MAP2: variants seen among roughly 807,000 people sequenced by gnomAD.
MAP2 encodes the protein microtubule associated protein 2, also known as microtubule-associated protein 2.
In MAP2, 14 loss-of-function variants were observed where a neutral mutation model predicts 137.6. The ratio of observed to expected loss-of-function variants is 0.10; its 90% CI spans 0.07 to 0.16. The LOEUF (loss-of-function observed/expected upper bound fraction) is 0.16, where lower values mean the gene tolerates loss of function less well. Among genes scored for constraint, MAP2 ranks in the 10% least tolerant of loss-of-function variants. The pLI, the probability that MAP2 is intolerant of heterozygous loss-of-function variation, is 1.00. For missense variants in MAP2, 2,088 were observed against 2,191.5 expected (o/e 0.95, Z 0.94); for synonymous variants, 786 against 782.3 (o/e 1.00, Z -0.08).
At chr2:209,541,621 A>C (rs1474030209) in intron 2 of MAP2, among the ~76,000 whole-genome samples, 3 of 152,138 alleles carry the variant, frequency 2.0e-5, no homozygotes, top group Non-Finnish European at 4.4e-5. Flanking sequence ...AGTTTATGTA[A>C]TATTCTAAAT....
In MAP2 at chr2:209,731,622, A is replaced by T. The variant is rs2075785868; in HGVS notation, c.*1225A>T. ...GAAACCGACTTAAGATTTTTTCTTT[A>T]TTTTTCTTTTTTTTTCCATTTGCTA... is the stretch of plus-strand genomic sequence containing the variant. On this transcript the variant is annotated 3_prime_UTR_variant, in exon 16 of 16. Coordinates refer to ENST00000682079, the MANE Select transcript of MAP2 (RefSeq NM_001375505.1). 6.6e-6 allele frequency: 1 copy of T among 152,202 alleles called. No homozygotes were observed. The highest frequency in any genetic ancestry group is 2.4e-5 in the African/African-American group (1 of 41,318). 9.4% of individuals were successfully genotyped at this position (152,202 alleles called of 1,614,324 possible).
At chr2:209,511,892 T>C (rs535446000) in intron 2 of MAP2, among the ~76,000 whole-genome samples, 2 of 152,198 alleles carry the variant, frequency 1.3e-5, no homozygotes, top group Admixed American at 1.3e-4. Flanking sequence ...GACTGAATCA[T>C]TAATATTTAT....
intron 2 of MAP2, among the ~76,000 whole-genome samples, chr2:209,571,776 G>A (rs2074432919): frequency 6.6e-6 from 1 of 151,982 alleles, no homozygotes; most frequent in African/African-American, 2.4e-5. Flanking sequence ...AGCTTAGGTG[G>A]TAATGTCATA....
intron 2 of MAP2, among the ~76,000 whole-genome samples, chr2:209,521,841 G>A (rs2063328844): frequency 6.6e-6 from 1 of 152,048 alleles, no homozygotes; most frequent in Admixed American, 6.6e-5. Context: ...AGGTACTAAA[G>A]CTCCTATGGT....
chr2:209,686,223 T>C (rs1350214948), intron 7 of MAP2, among the ~76,000 whole-genome samples: 1 of 152,202 alleles, frequency 6.6e-6, no homozygotes, highest in African/African-American at 2.4e-5. Context: ...TGCTATCCCA[T>C]GATATAAAAA....
chr2:209,465,175 G>A (rs1703814541), intron 1 of MAP2, among the ~76,000 whole-genome samples: 1 of 151,998 alleles, frequency 6.6e-6, no homozygotes, highest in African/African-American at 2.4e-5. Context: ...GATTTTTATG[G>A]TTAGGACTAA....
At chr2:209,692,521 G>A (rs964964751) in intron 7 of MAP2, 104 bp from the exon 8 acceptor site, 2 of 1,300,722 alleles carry the variant, frequency 1.5e-6, no homozygotes, top group African/African-American at 3.0e-5. Context: ...CATAATTTTT[G>A]TTTTTATTCT....
chr2:209,730,116 T>A (rs1401822117), intron 15 of MAP2, 66 bp from the exon 16 acceptor site: 1 of 1,346,404 alleles, frequency 7.4e-7, no homozygotes, highest in Admixed American at 1.8e-5. Flanking sequence ...CCCTGGGAGA[T>A]GGAGAAAGAG....
chr2:209,440,038 A>G (rs1262908032), intron 1 of MAP2, among the ~76,000 whole-genome samples: 2 of 151,536 alleles, frequency 1.3e-5, no homozygotes, highest in Non-Finnish European at 3.0e-5. Context: ...TTTTTATGGA[A>G]TAGTTCACTT....
chr2:209,509,677 C>T (rs1267045603), intron 2 of MAP2, among the ~76,000 whole-genome samples: 1 of 151,668 alleles, frequency 6.6e-6, no homozygotes, highest in Non-Finnish European at 1.5e-5. Context: ...TCAACTATAA[C>T]TAAGTTACTT....
chr2:209,671,745 A>T (rs1038595841), intron 5 of MAP2, among the ~76,000 whole-genome samples: 1 of 151,900 alleles, frequency 6.6e-6, no homozygotes, highest in Non-Finnish European at 1.5e-5. Context: ...AAAGAAATCA[A>T]CAAAAATATG....
At chr2:209,634,582 ACTCAGT>A (rs2093393473) in intron 4 of MAP2, among the ~76,000 whole-genome samples, 4 of 152,090 alleles carry the variant, frequency 2.6e-5, no homozygotes, top group African/African-American at 9.7e-5. Context: ...ATTGGTTTGA[ACTCAGT>A]CATTTGGACA....
chr2:209,664,051 A>G (rs142761857), intron 5 of MAP2, among the ~76,000 whole-genome samples: 158 of 152,350 alleles, frequency 1.0e-3, no homozygotes, highest in African/African-American at 3.7e-3. Context: ...ACCCCCAAGT[A>G]CCATGTTTAT....
intron 1 of MAP2, among the ~76,000 whole-genome samples, chr2:209,456,630 C>T (rs1262898427): frequency 3.9e-5 from 6 of 152,196 alleles, no homozygotes; most frequent in African/African-American, 1.4e-4. Context: ...TCTACTTTCT[C>T]TGTTCCATTT....
At chr2:209,570,824 A>G (rs2074273181) in intron 2 of MAP2, among the ~76,000 whole-genome samples, 1 of 151,942 alleles carries the variant, frequency 6.6e-6, no homozygotes, top group African/African-American at 2.4e-5. Flanking sequence ...CGATTACGAT[A>G]GGCCTCAATG....
At chr2:209,508,733 CTT>C (rs1274211536) in intron 2 of MAP2, among the ~76,000 whole-genome samples, 1 of 151,846 alleles carries the variant, frequency 6.6e-6, no homozygotes, top group Non-Finnish European at 1.5e-5. Context: ...TAATTGGAAA[CTT>C]AATAAAGAAA....
chr2:209,469,363 G>A (rs566667957), intron 1 of MAP2, among the ~76,000 whole-genome samples: 4 of 152,106 alleles, frequency 2.6e-5, no homozygotes, highest in East Asian at 1.9e-4. Context: ...CGTGCCTTCC[G>A]CTGAGTCTTC....
chr2:209,547,288 C>T (rs939523799), intron 2 of MAP2, among the ~76,000 whole-genome samples: 2 of 151,800 alleles, frequency 1.3e-5, no homozygotes, highest in Middle Eastern at 6.8e-3. Flanking sequence ...CACTACCCCC[C>T]ACAAAAAGAA....
intron 5 of MAP2, among the ~76,000 whole-genome samples, chr2:209,662,994 T>C (rs2044413651): frequency 6.6e-6 from 1 of 152,190 alleles, no homozygotes. Context: ...TCTTTGATTA[T>C]ATTACTTGTG....
Sources: allele counts gnomAD v4.1 joint callset (sites outside exome capture counted in the v4.1 genomes callset), GRCh38; gene constraint gnomAD v4.1.1; transcripts MANE v1.5; gene names NCBI Gene and HGNC (gene_info 2026-07-23, HGNC 2026-07-21).